EVC2: variants seen among roughly 807,000 people sequenced by gnomAD.
The protein encoded by EVC2 is EvC ciliary complex subunit 2, also known as limbin.
EVC2 carries 148 observed loss-of-function variants against 149.3 expected under a neutral mutation model. That is an observed-to-expected ratio of 0.99 (90% CI 0.87 to 1.14). The LOEUF (loss-of-function observed/expected upper bound fraction) is 1.14. Among genes scored for constraint, EVC2 ranks in the 50% most tolerant of loss-of-function variants. EVC2 has a pLI of 0.00. For synonymous variants in EVC2, 776 were observed against 649.9 expected, an observed-to-expected ratio of 1.19 and a Z score of -2.95; for missense variants, 1,854 against 1,627.3, an observed-to-expected ratio of 1.14 and a Z score of -2.40.
intron 11 of EVC2, among the ~76,000 whole-genome samples, chr4:5,629,521 T>C (rs900002610): frequency 2.0e-5 from 3 of 152,246 alleles, no homozygotes; most frequent in Non-Finnish European, 4.4e-5. Context: ...CTCTATGGAC[T>C]GGCTTCGTTG....
chr4:5,591,957 T>C (rs765037393), intron 16 of EVC2, among the ~76,000 whole-genome samples: 1 of 152,182 alleles, frequency 6.6e-6, no homozygotes, highest in African/African-American at 2.4e-5. Flanking sequence ...AAACAAAAAG[T>C]TTTTTCTATG....
intron 13 of EVC2, among the ~76,000 whole-genome samples, chr4:5,623,495 A>G (rs866149275): frequency 2.0e-5 from 3 of 152,022 alleles, no homozygotes; most frequent in Admixed American, 1.3e-4. Context: ...GTGTACCACC[A>G]CACCCAGATA....
At chr4:5,654,981 T>C (rs1263866156) in intron 9 of EVC2, among the ~76,000 whole-genome samples, 1 of 152,056 alleles carries the variant, frequency 6.6e-6, no homozygotes, top group Admixed American at 6.5e-5. Context: ...CTTGGCTTCC[T>C]CCCCGGCACC....
rs1026777378 is a variant in EVC2 at position 5,567,350 on chromosome 4, A to G, written c.3557+1094T>C. On this transcript the variant is annotated intron_variant, in intron 20 of 21. Transcript: ENST00000344408. The surrounding 1 kb of genome is among the most constrained non-coding windows in gnomAD (Gnocchi z 4.4). ...GCAGCGCTTCTTGGATTTTGGGGTC[A>G]GATACTCTGATAAAAAGTATCTCTG... 1.3e-5 allele frequency among the ~76,000 whole-genome samples: 2 copies of G among 152,108 alleles called. No individual in the cohort carries two copies. The highest frequency in any genetic ancestry group is 2.9e-5 in the Non-Finnish European group (2 of 68,028).
intron 21 of EVC2, among the ~76,000 whole-genome samples, chr4:5,545,309 AG>A (rs1295802905): frequency 6.6e-6 from 1 of 152,224 alleles, no homozygotes; most frequent in Non-Finnish European, 1.5e-5. Flanking sequence ...CTTTCAGGCC[AG>A]GGAAGTCAGT....
At position 5,620,169 on chromosome 4, in the gene EVC2, G is replaced by A. The variant is rs558338118; in HGVS notation, c.2502-1487C>T. Reference sequence around the variant, plus strand: ...TTCATGGGGCCCAACGATTTTTAAAGCAACCTTTGGAAACTGCAGCAGCCC... The same window carrying A: ...TTCATGGGGCCCAACGATTTTTAAAACAACCTTTGGAAACTGCAGCAGCCC... On this transcript the variant is annotated intron_variant, in intron 14 of 21. Coordinates refer to ENST00000344408, the MANE Select transcript of EVC2 (RefSeq NM_147127.5). Among the ~76,000 whole-genome samples, 3 of 152,312 alleles carry A rather than the reference G, an allele frequency of 2.0e-5. No homozygotes were observed. The South Asian group carries it at 6.2e-4, about 32-fold the overall frequency.
intron 5 of EVC2, among the ~76,000 whole-genome samples, 195 bp downstream of exon 5, chr4:5,688,961 GC>G (rs1254483087): frequency 2.0e-5 from 3 of 152,118 alleles, no homozygotes; most frequent in Non-Finnish European, 4.4e-5. Context: ...GAGAAATTCA[GC>G]TTTTTGGTTA....
At chr4:5,573,791 C>T (rs897434073) in intron 19 of EVC2, among the ~76,000 whole-genome samples, 2 of 152,208 alleles carry the variant, frequency 1.3e-5, no homozygotes, top group African/African-American at 4.8e-5. Flanking sequence ...ACCCCTCCTT[C>T]CTGCTGACTC....
intron 3 of EVC2, among the ~76,000 whole-genome samples, chr4:5,693,387 C>A (rs563970497): frequency 1.3e-5 from 2 of 152,190 alleles, no homozygotes; most frequent in African/African-American, 4.8e-5. Context: ...GGCCTGACAT[C>A]CAATGACAAG....
intron 21 of EVC2, 45 bp from the exon 22 acceptor site, chr4:5,563,160 A>G (rs182635344): frequency 6.3e-7 from 1 of 1,586,210 alleles, no homozygotes; most frequent in Admixed American, 1.7e-5. Context: ...TTGGCAATGA[A>G]CCCTCTGGAG....
At chr4:5,541,826 T>C (rs928387252), downstream of EVC2, among the ~76,000 whole-genome samples, 9 of 152,158 alleles carry the variant, frequency 5.9e-5, no homozygotes, top group African/African-American at 2.2e-4. Flanking sequence ...CGGGGCCTGT[T>C]CTACGTAATA....
At chr4:5,610,879 A>G (rs1714765240) in intron 16 of EVC2, among the ~76,000 whole-genome samples, 2 of 146,336 alleles carry the variant, frequency 1.4e-5, no homozygotes, top group Admixed American at 1.4e-4. Context: ...AGGATGGGTA[A>G]GCTGGAAAGA....
Position 5,640,848 on chromosome 4 carries a change from A to G in EVC2, c.1146-10T>C, listed in dbSNP as rs1192977487. On this transcript the variant is annotated splice_polypyrimidine_tract_variant and intron_variant, in intron 9 of 21. Transcript: ENST00000344408. This position sits in a 1 kb window ranked among gnomAD's most constrained non-coding sequence, Gnocchi z 4.6. ...GGTTGCAATCTCCAACCTAGGAAAC[A>G]CAAAAATCAAAAGAATTCCATTACA... 6.2e-7 allele frequency: 1 copy of G among 1,614,146 alleles called. No individual in the cohort carries two copies. The highest frequency in any genetic ancestry group is 1.3e-5 in the African/African-American group (1 of 75,052).
chr4:5,594,526 G>A (rs958022912), intron 16 of EVC2, among the ~76,000 whole-genome samples: 2 of 152,108 alleles, frequency 1.3e-5, no homozygotes, highest in African/African-American at 4.8e-5. Flanking sequence ...TCTGTTAGAA[G>A]GAAAACTAAC....
chr4:5,595,237 G>C (rs888912961), intron 16 of EVC2, among the ~76,000 whole-genome samples: 1 of 151,966 alleles, frequency 6.6e-6, no homozygotes, highest in Non-Finnish European at 1.5e-5. Flanking sequence ...GATACTCCTC[G>C]AGAAGAGCAA....
intron 17 of EVC2, among the ~76,000 whole-genome samples, chr4:5,579,938 G>A (rs986318961): frequency 6.6e-6 from 1 of 152,194 alleles, no homozygotes; most frequent in Non-Finnish European, 1.5e-5. Context: ...GGTACCATTT[G>A]TTTGGGGTCA....
chr4:5,645,409 C>T (rs940678573), intron 9 of EVC2, among the ~76,000 whole-genome samples: 1 of 152,088 alleles, frequency 6.6e-6, no homozygotes, highest in African/African-American at 2.4e-5. Flanking sequence ...TCTCCTTCCT[C>T]CCACTCTCCA....
chr4:5,538,554 G>C (rs1440347521), downstream of EVC2, among the ~76,000 whole-genome samples: 1 of 152,032 alleles, frequency 6.6e-6, no homozygotes, highest in Non-Finnish European at 1.5e-5. Context: ...CGTGAACTTA[G>C]ACGCAAAATT....
At chr4:5,661,019 C>T (rs761926943) in intron 9 of EVC2, among the ~76,000 whole-genome samples, 1 of 152,152 alleles carries the variant, frequency 6.6e-6, no homozygotes, top group Non-Finnish European at 1.5e-5. Flanking sequence ...CTAAATGTGA[C>T]ATAAACATAA....
Sources: gnomAD v4.1 joint callset for allele counts (sites outside exome capture counted in the v4.1 genomes callset) on GRCh38, gnomAD v4.1.1 for gene constraint, Gnocchi (gnomAD v3.1) non-coding constraint, MANE v1.5 for transcripts, NCBI Gene and HGNC (gene_info 2026-07-23, HGNC 2026-07-21) for gene names.